SV2C: variants seen among roughly 807,000 people sequenced by gnomAD.
The protein encoded by SV2C is synaptic vesicle glycoprotein 2C, also known as solute carrier family 22 member B3.
Under a neutral mutation model 79.7 loss-of-function variants are expected in SV2C, and 49 were observed. The observed-to-expected ratio is 0.61, with a 90% CI of 0.49 to 0.78. The LOEUF is 0.78. SV2C is among the 30% of genes least tolerant of loss of function. SV2C has a pLI of 0.00. For synonymous variants in SV2C, 334 were observed against 333.2 expected (o/e 1.00, Z -0.03); for missense variants, 833 against 912.9 (o/e 0.91, Z 1.13).
the SV2C span, among the ~76,000 whole-genome samples, chr5:75,913,874 A>G: frequency 1.2e-4 from 19 of 152,294 alleles, no homozygotes; most frequent in East Asian, 2.5e-3. Flanking sequence ...CAGCCTTTGT[A>G]TGGAAATGCA....
At chr5:76,044,814 A>T in the SV2C span, among the ~76,000 whole-genome samples, 3 of 152,234 alleles carry the variant, frequency 2.0e-5, no homozygotes, top group African/African-American at 7.2e-5. Context: ...TCTGGCTATT[A>T]GACCTCTGTC....
chr5:76,231,547 A>C (rs1301882490), intron 4 of SV2C, among the ~76,000 whole-genome samples: 1 of 148,506 alleles, frequency 6.7e-6, no homozygotes, highest in African/African-American at 2.6e-5. Flanking sequence ...CTAACTCGTC[A>C]TCTAGCATTA....
chr5:76,118,057 A>G (rs189832031), intron 1 of SV2C, among the ~76,000 whole-genome samples: 1 of 152,352 alleles, frequency 6.6e-6, no homozygotes, highest in Admixed American at 6.5e-5. Context: ...CTAACAATTT[A>G]CCACAAACTG....
Position 76,291,838 on chromosome 5 carries a change from G to A in SV2C, c.1319G>A (p.Trp440Ter). 1 of 1,608,722 alleles carries A rather than the reference G, an allele frequency of 6.2e-7. No individual in the cohort carries two copies. The highest frequency in any genetic ancestry group is 8.5e-7 in the Non-Finnish European group (1 of 1,176,840). ...AATACAATAAAGCTTACAATTGTTT[G>A]GTTCACCCTGTCCTTTGGGTAAGTG... The part of the protein sequence containing the change: ...RDNTIKLTIV[W>*]FTLSFGYYGL... The change falls in exon 8 of 13, where the codon TGG becomes TAG. Residue 440 changes from tryptophan to a stop codon, truncating the protein, a stop_gained. Transcript: ENST00000502798. LOFTEE classifies it high-confidence loss of function.
intron 4 of SV2C, among the ~76,000 whole-genome samples, chr5:76,266,615 A>T (rs1467218753): frequency 6.6e-6 from 1 of 152,238 alleles, no homozygotes; most frequent in African/African-American, 2.4e-5. Context: ...AGGCAAATTC[A>T]TAGAGGCAGA....
At chr5:75,876,410 T>C in the SV2C span, among the ~76,000 whole-genome samples, 1 of 151,914 alleles carries the variant, frequency 6.6e-6, no homozygotes, top group Non-Finnish European at 1.5e-5. Context: ...AGATACTGGG[T>C]TCTCCTTGAG....
At chr5:76,259,508 T>C (rs1746396345) in intron 4 of SV2C, among the ~76,000 whole-genome samples, 1 of 152,194 alleles carries the variant, frequency 6.6e-6, no homozygotes, top group African/African-American at 2.4e-5. Flanking sequence ...GGTATATGTG[T>C]GCCATGGTGA....
At chr5:76,201,984 C>T (rs111747329) in intron 3 of SV2C, among the ~76,000 whole-genome samples, 1,865 of 143,286 alleles carry the variant, frequency 0.013, 15 homozygotes, top group Non-Finnish European at 0.019. Context: ...CCACTGCACT[C>T]CAGCCTGGGC....
At chr5:75,853,957 G>A in the SV2C span, among the ~76,000 whole-genome samples, 2 of 144,696 alleles carry the variant, frequency 1.4e-5, no homozygotes, top group East Asian at 2.0e-4. Context: ...ATATATATAT[G>A]TACTACCACA....
chr5:75,989,878 T>C, the SV2C span, among the ~76,000 whole-genome samples: 1 of 152,046 alleles, frequency 6.6e-6, no homozygotes, highest in Non-Finnish European at 1.5e-5. Context: ...ATTTCTCTAA[T>C]GATCTTTGAT....
At chr5:75,949,476 TG>T in the SV2C span, among the ~76,000 whole-genome samples, 278 of 152,138 alleles carry the variant, frequency 1.8e-3, no homozygotes, top group African/African-American at 6.5e-3. Context: ...GCTATGGTTT[TG>T]CTGTGTCCCC....
chr5:76,079,713 C>A, upstream of SV2C: 1 of 286,994 alleles, frequency 3.5e-6, no homozygotes, highest in Non-Finnish European at 7.2e-6. Flanking sequence ...GTCTATGTCC[C>A]TTCAAACTTC....
chr5:76,146,458 T>C (rs766512929), intron 2 of SV2C, among the ~76,000 whole-genome samples: 7 of 152,176 alleles, frequency 4.6e-5, no homozygotes, highest in Non-Finnish European at 8.8e-5. Flanking sequence ...GACATTGCCA[T>C]GGCCTTTGTA....
the SV2C span, among the ~76,000 whole-genome samples, chr5:76,001,811 A>T: frequency 6.6e-6 from 1 of 152,070 alleles, no homozygotes. Context: ...GTTTTTAAAA[A>T]TTTCAGTAGT....
At chr5:76,100,163 T>C (rs1448082393) in intron 1 of SV2C, among the ~76,000 whole-genome samples, 1 of 152,222 alleles carries the variant, frequency 6.6e-6, no homozygotes, top group Non-Finnish European at 1.5e-5. Context: ...CTGGTTTGTG[T>C]AAAGCTGCCT....
intron 4 of SV2C, among the ~76,000 whole-genome samples, chr5:76,248,681 C>A (rs1359933188): frequency 6.7e-6 from 1 of 150,326 alleles, no homozygotes; most frequent in Non-Finnish European, 1.5e-5. Context: ...TGCAGTGGTG[C>A]GATCTTGGCT....
intron 4 of SV2C, chr5:76,280,915 T>C (rs1053853888): frequency 1.9e-6 from 1 of 521,800 alleles, no homozygotes; most frequent in East Asian, 5.4e-5. Flanking sequence ...GCTGTGTTCC[T>C]GGTGCTGAGA....
the SV2C span, among the ~76,000 whole-genome samples, chr5:75,909,175 G>T: frequency 6.6e-6 from 1 of 152,118 alleles, no homozygotes; most frequent in Non-Finnish European, 1.5e-5. Flanking sequence ...GATTTCCACG[G>T]TGCCATGCAA....
At chr5:75,866,571 A>G in the SV2C span, among the ~76,000 whole-genome samples, 18 of 152,232 alleles carry the variant, frequency 1.2e-4, no homozygotes, top group Non-Finnish European at 1.2e-4. Context: ...TAGCATTATC[A>G]TTGGCCAAGG....
Sources: gnomAD v4.1 joint callset for allele counts (sites outside exome capture counted in the v4.1 genomes callset) on GRCh38, gnomAD v4.1.1 for gene constraint, MANE v1.5 for transcripts, NCBI Gene and HGNC (gene_info 2026-07-23, HGNC 2026-07-21) for gene names.